Variants in DCLK1 observed in about 807,000 individuals in gnomAD.
The protein encoded by DCLK1 is doublecortin like kinase 1, also known as serine/threonine-protein kinase DCLK1.
A neutral mutation model predicts 86.2 loss-of-function variants in DCLK1; 16 were observed. The ratio of observed to expected loss-of-function variants is 0.19; its 90% CI spans 0.13 to 0.28. The LOEUF is 0.28. Among genes scored for constraint, DCLK1 ranks in the 10% least tolerant of loss-of-function variants. The pLI is 1.00. For missense variants in DCLK1, 590 were observed against 940.2 expected, an observed-to-expected ratio of 0.63 and a Z score of 4.87; for synonymous variants, 369 against 370.5, an observed-to-expected ratio of 1.00 and a Z score of 0.05.
intron 16 of DCLK1, among the ~76,000 whole-genome samples, chr13:35,786,907 T>G (rs1322055552): frequency 6.6e-6 from 1 of 152,100 alleles, no homozygotes; most frequent in African/African-American, 2.4e-5. Flanking sequence ...TAGAAAATTT[T>G]ATTGAGCTTT....
intron 4 of DCLK1, among the ~76,000 whole-genome samples, chr13:35,917,237 T>C (rs142764088): frequency 1.3e-5 from 2 of 152,270 alleles, no homozygotes; most frequent in African/African-American, 2.4e-5. Flanking sequence ...TAAATTTGTA[T>C]GTTTTTCTCT....
At position 35,769,015 on chromosome 13, in the gene DCLK1, A is replaced by C. The variant is rs2086281084; in HGVS notation, c.*5520T>G. The C allele has an allele frequency of 1.3e-5, 2 of 152,218 alleles. No individual in the cohort carries two copies. The highest frequency in any genetic ancestry group is 6.5e-5 in the Admixed American group (1 of 15,284). The allele number at this position is 152,218 out of a possible 1,614,324, so 9.4% of individuals were successfully genotyped here. On this transcript the variant is annotated 3_prime_UTR_variant, in exon 17 of 17. Transcript: ENST00000360631. ...CAAGTACTATTATTTTATTAACTTT[A>C]AGAACATGTTTTACATAAAAACAGG...
At chr13:35,890,344 T>C (rs1171071) in intron 4 of DCLK1, among the ~76,000 whole-genome samples, 24,616 of 152,102 alleles carry the variant, frequency 0.16, 2,329 homozygotes, top group East Asian at 0.27. Flanking sequence ...AAACATAATA[T>C]TGATAACTTT....
chr13:35,772,669 G>C lies in DCLK1; in HGVS notation c.*1866C>G, dbSNP rs1188940683. ...GTTATCACTTCCGGATGCTCTAAAA[G>C]GGGGGGAAAAAAACCTCAATAAACG... On this transcript the variant is annotated 3_prime_UTR_variant, in exon 17 of 17. Coordinates refer to ENST00000360631, the MANE Select transcript of DCLK1 (RefSeq NM_001330071.2). 3 of 141,626 alleles carry C rather than the reference G, an allele frequency of 2.1e-5. No homozygotes were observed. The highest frequency in any genetic ancestry group is 2.7e-4 in the East Asian group (1 of 3,766). The allele number at this position is 141,626 out of a possible 1,614,324, so 8.8% of individuals were successfully genotyped here.
intron 3 of DCLK1, among the ~76,000 whole-genome samples, chr13:36,054,287 T>C (rs1176105732): frequency 6.6e-6 from 1 of 152,128 alleles, no homozygotes; most frequent in Admixed American, 6.6e-5. Flanking sequence ...ATCTCCAGCA[T>C]GGGACTCATG....
At chr13:36,001,454 C>T (rs1280237447) in intron 3 of DCLK1, among the ~76,000 whole-genome samples, 3 of 152,164 alleles carry the variant, frequency 2.0e-5, no homozygotes, top group Admixed American at 6.5e-5. Flanking sequence ...CTCTCCTGGA[C>T]CTCAGTCTCC....
intron 4 of DCLK1, among the ~76,000 whole-genome samples, chr13:35,895,302 AT>A (rs2153120466): frequency 6.6e-6 from 1 of 151,940 alleles, no homozygotes; most frequent in South Asian, 2.1e-4. Flanking sequence ...AAAAAAAAAA[AT>A]TAGATGAAAA....
At chr13:35,865,356 T>A (rs1871716341) in intron 5 of DCLK1, among the ~76,000 whole-genome samples, 1 of 152,226 alleles carries the variant, frequency 6.6e-6, no homozygotes, top group Admixed American at 6.5e-5. Flanking sequence ...CCTTATTCCT[T>A]ATGATGCTCT....
At chr13:36,049,152 A>G (rs1883038504) in intron 3 of DCLK1, among the ~76,000 whole-genome samples, 1 of 152,216 alleles carries the variant, frequency 6.6e-6, no homozygotes, top group Non-Finnish European at 1.5e-5. Context: ...GTATTGCAGA[A>G]AAAAGGAAGC....
At chr13:36,013,620 G>A (rs908459868) in intron 3 of DCLK1, among the ~76,000 whole-genome samples, 3 of 152,148 alleles carry the variant, frequency 2.0e-5, no homozygotes, top group African/African-American at 2.4e-5. Context: ...GAGAACCACT[G>A]CTCTCTTCAA....
At chr13:35,841,697 G>GAGAAAAAA in intron 6 of DCLK1, among the ~76,000 whole-genome samples, 1 of 152,014 alleles carries the variant, frequency 6.6e-6, no homozygotes, top group Non-Finnish European at 1.5e-5. Flanking sequence ...ACGTACTTAC[G>GAGAAAAAA]GTCATACAGA....
chr13:36,127,138 C>T (rs1886216105), intron 1 of DCLK1, among the ~76,000 whole-genome samples: 1 of 152,110 alleles, frequency 6.6e-6, no homozygotes, highest in African/African-American at 2.4e-5. Flanking sequence ...GTTTGTGTGC[C>T]CCATGGCCAG....
intron 3 of DCLK1, among the ~76,000 whole-genome samples, chr13:35,968,957 A>G (rs1165800785): frequency 2.0e-5 from 3 of 152,182 alleles, no homozygotes; most frequent in African/African-American, 4.8e-5. Flanking sequence ...CAAGGAAACA[A>G]AATGCTCATC....
intron 2 of DCLK1, among the ~76,000 whole-genome samples, chr13:36,123,937 C>T (rs1433624567): frequency 6.6e-6 from 1 of 152,222 alleles, no homozygotes; most frequent in Non-Finnish European, 1.5e-5. Context: ...CTCCCAGACC[C>T]TCTCCTTGGT....
intron 3 of DCLK1, among the ~76,000 whole-genome samples, chr13:35,970,957 C>A (rs2153139424): frequency 6.6e-6 from 1 of 152,176 alleles, no homozygotes; most frequent in East Asian, 1.9e-4. Flanking sequence ...CTATGAACAG[C>A]CAGGGCCATG....
rs1593675431 is a variant in DCLK1, at chr13:35,864,360, TC to T, written c.940+6863del. ...GCGGGCGGATCACGAGGTCAGGAGA[TC>T]GAGACCATCCCGGCTAAAACGGTGA... is the stretch of plus-strand genomic sequence containing the variant. On this transcript the variant is annotated intron_variant, in intron 5 of 16. Coordinates refer to ENST00000360631, the MANE Select transcript of DCLK1 (RefSeq NM_001330071.2). 5.8e-5 allele frequency among the ~76,000 whole-genome samples: 5 copies of T among 85,932 alleles called. 1 individual carries two copies. The East Asian group carries it at 1.6e-3, about 27-fold the overall frequency. 56.4% of individuals were successfully genotyped at this position (85,932 alleles called of 152,430 possible). A position where few individuals can be genotyped will look rare whatever the true frequency, so the allele number is the denominator to read the frequency against.
At chr13:35,850,644 T>C in intron 6 of DCLK1, 2 of 1,419,566 alleles carry the variant, frequency 1.4e-6, no homozygotes, top group East Asian at 2.6e-5. Context: ...TTGTGTATTT[T>C]GCTGTAAGAC....
At chr13:36,031,765 GGTT>G (rs916316396) in intron 3 of DCLK1, among the ~76,000 whole-genome samples, 5 of 152,208 alleles carry the variant, frequency 3.3e-5, no homozygotes, top group African/African-American at 9.6e-5. Context: ...GATTTGTTGT[GGTT>G]GTTGTTGAAA....
intron 3 of DCLK1, among the ~76,000 whole-genome samples, chr13:36,063,586 C>T (rs1883636767): frequency 6.6e-6 from 1 of 152,092 alleles, no homozygotes; most frequent in Non-Finnish European, 1.5e-5. Context: ...CAGGTATGCC[C>T]AATATTACAG....
Sources: gnomAD v4.1 joint callset for allele counts (sites outside exome capture counted in the v4.1 genomes callset) on GRCh38, gnomAD v4.1.1 for gene constraint, MANE v1.5 for transcripts, NCBI Gene and HGNC (gene_info 2026-07-23, HGNC 2026-07-21) for gene names.